The following MON2 variants were observed in gnomAD, a reference collection of about 807,000 sequenced individuals.
The protein encoded by MON2 is MON2 regulator of endosome-to-Golgi trafficking.
Under a neutral mutation model 208.6 loss-of-function variants are expected in MON2, and 84 were observed. The observed-to-expected ratio is 0.40, with a 90% CI of 0.34 to 0.48. The LOEUF (loss-of-function observed/expected upper bound fraction) is 0.48, where lower values mean the gene tolerates loss of function less well. Ranked by LOEUF, MON2 falls within the 20% of genes least tolerant of loss-of-function variation. The pLI is 0.59. For synonymous variants in MON2, 660 were observed against 694.0 expected (o/e 0.95, Z 0.77); for missense variants, 1,611 against 2,015.4 (o/e 0.80, Z 3.84).
intron 2 of MON2, among the ~76,000 whole-genome samples, chr12:62,489,328 T>G (rs1468817727): frequency 6.6e-6 from 1 of 152,150 alleles, no homozygotes; most frequent in Admixed American, 6.5e-5. Context: ...TTCCACTAGA[T>G]GTTGATCATT....
intron 19 of MON2, among the ~76,000 whole-genome samples, chr12:62,541,216 A>G (rs1364042680): frequency 6.6e-6 from 1 of 152,146 alleles, no homozygotes; most frequent in Non-Finnish European, 1.5e-5. Context: ...CCTCTTCTCT[A>G]CTAAAAGTAC....
In MON2 at chr12:62,516,883, TA is replaced by T. The variant is rs536678894; in HGVS notation, c.985-7623del. Among the ~76,000 whole-genome samples, 29 of 151,324 alleles carry T rather than the reference TA, an allele frequency of 1.9e-4. No homozygotes were observed. In the East Asian group the frequency reaches 2.1e-3, roughly 11 times the overall value. On this transcript the variant is annotated intron_variant, in intron 8 of 34. Coordinates refer to ENST00000393630, the MANE Select transcript of MON2 (RefSeq NM_015026.3). The stretch of plus-strand genomic sequence containing the variant: ...ATACCTACTATATACTCATAAAAAT[TA>T]AAAAAAAATATTTTTAAGTAAACAA...
At chr12:62,507,715 A>T (rs1454690491) in intron 7 of MON2, among the ~76,000 whole-genome samples, 1 of 152,156 alleles carries the variant, frequency 6.6e-6, no homozygotes, top group Non-Finnish European at 1.5e-5. Context: ...AAATCATTAA[A>T]TGTTCCTTTT....
intron 1 of MON2, among the ~76,000 whole-genome samples, chr12:62,473,046 A>G (rs1186038798): frequency 6.6e-6 from 1 of 152,138 alleles, no homozygotes; most frequent in African/African-American, 2.4e-5. Flanking sequence ...TCAACCATGT[A>G]TGAAGTAGAA....
intron 2 of MON2, among the ~76,000 whole-genome samples, chr12:62,488,407 G>T (rs1420037386): frequency 6.6e-6 from 1 of 152,102 alleles, no homozygotes; most frequent in Non-Finnish European, 1.5e-5. Flanking sequence ...TGTGTATAGA[G>T]CTTGGTGTAT....
chr12:62,519,128 A>C (rs1592937841), intron 8 of MON2, among the ~76,000 whole-genome samples: 1 of 152,188 alleles, frequency 6.6e-6, no homozygotes, highest in Admixed American at 6.5e-5. Context: ...TCATTTAATA[A>C]ATAACCATGT....
rs2073010305 is a variant in MON2 at position 62,537,049 on chromosome 12, G to A, written c.1901-102G>A. 4.8e-6 allele frequency: 3 copies of A among 623,570 alleles called. No homozygotes were observed. In the South Asian group the frequency reaches 8.8e-5, roughly 18 times the overall value. 38.6% of individuals were successfully genotyped at this position (623,570 alleles called of 1,614,324 possible). A position where few individuals can be genotyped will look rare whatever the true frequency, so the allele number is the denominator to read the frequency against. On this transcript the variant is annotated intron_variant, in intron 14 of 34. Transcript: ENST00000393630. ...TTAGGTATTACTGATATTTAAATAA[G>A]TGTATGGCTAAACTTGGTTTAATCA...
At chr12:62,485,197 A>G (rs972219469) in intron 2 of MON2, among the ~76,000 whole-genome samples, 1 of 152,188 alleles carries the variant, frequency 6.6e-6, no homozygotes, top group Non-Finnish European at 1.5e-5. Context: ...ATATGTAACC[A>G]GTGCTTGCTT....
chr12:62,585,290 A>G lies in MON2; in HGVS notation c.4700-4A>G, dbSNP rs763503708. 2 of 1,607,478 alleles carry G rather than the reference A, an allele frequency of 1.2e-6. No individual in the cohort carries two copies. The highest frequency in any genetic ancestry group is 1.7e-6 in the Non-Finnish European group (2 of 1,175,074). On this transcript the variant is annotated splice_region_variant and splice_polypyrimidine_tract_variant and intron_variant, in intron 32 of 34. Coordinates refer to ENST00000393630, the MANE Select transcript of MON2 (RefSeq NM_015026.3). ...TTAACCATCAAAATTTGTTAATTTT[A>G]CAGAAGCAGAGATTGATATTCGTTT...
chr12:62,532,211 T>C (rs1313500003), intron 11 of MON2, among the ~76,000 whole-genome samples: 1 of 152,230 alleles, frequency 6.6e-6, no homozygotes, highest in Non-Finnish European at 1.5e-5. Context: ...AAGTAAATTA[T>C]TAAAATAATT....
At chr12:62,545,481 T>A (rs1278018801) in intron 21 of MON2, 2 of 152,196 alleles carry the variant, frequency 1.3e-5, no homozygotes, top group East Asian at 3.8e-4. Context: ...TTGTCCTGAC[T>A]CTCTATTATT....
At chr12:62,478,955 G>C (rs962053404) in intron 1 of MON2, among the ~76,000 whole-genome samples, 1 of 152,176 alleles carries the variant, frequency 6.6e-6, no homozygotes, top group African/African-American at 2.4e-5. Context: ...CCTGGTATCT[G>C]GTCAGTGACT....
chr12:62,543,348 G>C, intron 20 of MON2, 150 bp downstream of exon 20: 1 of 420,180 alleles, frequency 2.4e-6, no homozygotes, highest in Admixed American at 4.4e-5. Context: ...ATTTTATCAA[G>C]GACTAAAGTT....
Position 62,586,851 on chromosome 12 carries a change from T to C in MON2, c.4908-1223T>C, listed in dbSNP as rs1234856339. ...CTTATTTTTTAATGTTCTAAGTCTTTACTTTTTAACTACTACCTTTAAATT... is the reference window on the plus strand; with the variant it reads ...CTTATTTTTTAATGTTCTAAGTCTTCACTTTTTAACTACTACCTTTAAATT... On this transcript the variant is annotated intron_variant, in intron 33 of 34. Coordinates refer to ENST00000393630, the MANE Select transcript of MON2 (RefSeq NM_015026.3). 2.0e-5 allele frequency among the ~76,000 whole-genome samples: 3 copies of C among 152,216 alleles called. No homozygotes were observed. The East Asian group carries it at 5.8e-4, about 29-fold the overall frequency.
At chr12:62,556,353 T>G (rs1258384011) in intron 25 of MON2, among the ~76,000 whole-genome samples, 161 bp downstream of exon 25, 1 of 152,180 alleles carries the variant, frequency 6.6e-6, no homozygotes, top group Non-Finnish European at 1.5e-5. Context: ...TGGGCTAGCC[T>G]CTAGAGGATA....
chr12:62,523,932 A>G (rs2072200375), intron 8 of MON2, among the ~76,000 whole-genome samples: 1 of 152,168 alleles, frequency 6.6e-6, no homozygotes, highest in Non-Finnish European at 1.5e-5. Context: ...TTATTTATAA[A>G]GAGCTTGCTG....
rs767303676 is a variant in MON2 at position 62,537,690 on chromosome 12, T to C, written c.2102T>C (p.Val701Ala). 2 of 1,611,820 alleles carry C rather than the reference T, an allele frequency of 1.2e-6. No homozygotes were observed. Among genetic ancestry groups the C allele is most frequent in the Non-Finnish European group, 1.7e-6 (2 of 1,178,984 alleles). ...GAVLGTSWQL[V>A]LATLQHLVWI... ...GTTCTTGGAACATCATGGCAACTTG[T>C]CTTGGCAACTCTTCAGGTATGTAAA... Residue 701 changes from valine (V) to alanine (A), a missense_variant, in exon 16 of 35, where the codon GTC becomes GCC. By Grantham distance (64) the Val-to-Ala change is moderately conservative (BLOSUM62 0). Coordinates refer to ENST00000393630, the MANE Select transcript of MON2 (RefSeq NM_015026.3).
chr12:62,543,287 C>A, intron 20 of MON2, 89 bp downstream of exon 20: 1 of 649,210 alleles, frequency 1.5e-6, no homozygotes, highest in Non-Finnish European at 2.4e-6. Flanking sequence ...GAAAAATCAG[C>A]ATTAACTTTT....
At chr12:62,553,994 G>T (rs913904600) in intron 24 of MON2, among the ~76,000 whole-genome samples, 4 of 152,138 alleles carry the variant, frequency 2.6e-5, no homozygotes, top group Non-Finnish European at 5.9e-5. Context: ...GACCAACCTG[G>T]CCAATATGGT....
Sources: gnomAD v4.1 joint callset for allele counts (sites outside exome capture counted in the v4.1 genomes callset) on GRCh38, gnomAD v4.1.1 for gene constraint, MANE v1.5 for transcripts, NCBI Gene and HGNC (gene_info 2026-07-23, HGNC 2026-07-21) for gene names.